The following CPAMD8 variants were observed in gnomAD, a reference collection of about 807,000 sequenced individuals.
CPAMD8 encodes the protein C3 and PZP-like alpha-2-macroglobulin domain-containing protein 8.
In CPAMD8, 146 loss-of-function variants were observed where a neutral mutation model predicts 224.7. The ratio of observed to expected loss-of-function variants is 0.65; its 90% CI spans 0.57 to 0.75. CPAMD8 has a LOEUF of 0.75. CPAMD8 is among the 30% of genes least tolerant of loss of function. CPAMD8 has a pLI of 0.00. For synonymous variants in CPAMD8, 966 were observed against 1,044.6 expected (o/e 0.92, Z 1.45); for missense variants, 2,301 against 2,537.5 (o/e 0.91, Z 2.00).
chr19:16,920,499 T>A (rs1273825653), intron 27 of CPAMD8, among the ~76,000 whole-genome samples: 1 of 149,686 alleles, frequency 6.7e-6, no homozygotes, highest in Non-Finnish European at 1.5e-5. Flanking sequence ...AAAAAGGAAA[T>A]TTGATTTTTC....
rs2055219788 is a variant in CPAMD8, at chr19:16,975,248, T to C, written c.1919A>G (p.Glu640Gly). Residue 640 changes from glutamate (E) to glycine (G), a missense_variant, in exon 17 of 42, where the codon GAA becomes GGA. By Grantham distance (98) the Glu-to-Gly change is moderately conservative (BLOSUM62 -2). Coordinates refer to ENST00000443236, the MANE Select transcript of CPAMD8 (RefSeq NM_015692.5). ...FRLTPAQVFQ[E>G]LEDYDVSDSF... ...ATCAGAAACATCATAATCTTCCAGT[T>C]CCTGGAAAACCTGCAGGCAAAGGGG... 1.9e-6 allele frequency: 3 copies of C among 1,603,738 alleles called. No homozygotes were observed. Among genetic ancestry groups the C allele is most frequent in the Non-Finnish European group, 2.6e-6 (3 of 1,174,658 alleles).
chr19:16,976,200 G>C (rs763838329), intron 15 of CPAMD8, 49 bp from the exon 16 acceptor site: 1 of 1,534,382 alleles, frequency 6.5e-7, no homozygotes, highest in South Asian at 1.2e-5. Flanking sequence ...AGTTGGCTGT[G>C]AGTGGTGGCT....
At chr19:16,912,221 A>G (rs1284059758) in intron 29 of CPAMD8, among the ~76,000 whole-genome samples, 1 of 152,202 alleles carries the variant, frequency 6.6e-6, no homozygotes, top group African/African-American at 2.4e-5. Flanking sequence ...CCATGGAACA[A>G]TTGTCTTCCA....
intron 18 of CPAMD8, among the ~76,000 whole-genome samples, chr19:16,960,511 CTTG>C (rs1056353288): frequency 2.7e-5 from 4 of 150,316 alleles, no homozygotes; most frequent in East Asian, 1.9e-4. Flanking sequence ...ATTTCCAAGA[CTTG>C]TTGTTAACTT....
chr19:16,952,183 C>G lies in CPAMD8; in HGVS notation c.2294G>C (p.Gly765Ala), dbSNP rs750031617. 3.9e-6 allele frequency: 6 copies of G among 1,543,000 alleles called. No individual in the cohort carries two copies. The African/African-American group carries it at 6.9e-5, about 18-fold the overall frequency. ...GTCCGGGACCTTCACACTGAGTGTC[C>G]CCTCACCAGATGGGTCACTGCGGAG... ...CLNISDPSGE[G>A]TLSVKVPDSI... Residue 765 changes from glycine to alanine, a missense_variant, in exon 20 of 42, where the codon GGG (glycine) becomes GCG (alanine). Coordinates refer to ENST00000443236, the MANE Select transcript of CPAMD8 (RefSeq NM_015692.5).
rs190367731 is a variant in CPAMD8 at position 16,951,705 on chromosome 19, C to T, written c.2508+264G>A. Among the ~76,000 whole-genome samples, 187 of 152,256 alleles carry T rather than the reference C, an allele frequency of 1.2e-3. 1 individual carries two copies. The highest frequency in any genetic ancestry group is 4.3e-3 in the African/African-American group (179 of 41,554). ...CTCACTCACACACATGCGTCCCCAC[C>T]TCCTCCTCACCCGGCTTTGACGGTT... is the stretch of plus-strand genomic sequence containing the variant. On this transcript the variant is annotated intron_variant, in intron 20 of 41. Coordinates refer to ENST00000443236, the MANE Select transcript of CPAMD8 (RefSeq NM_015692.5).
Position 17,008,336 on chromosome 19 carries a change from T to C in CPAMD8, c.559+169A>G, listed in dbSNP as rs541184616. 2.6e-5 allele frequency among the ~76,000 whole-genome samples: 4 copies of C among 152,302 alleles called. No individual in the cohort carries two copies. The East Asian group carries it at 7.7e-4, about 29-fold the overall frequency. On this transcript the variant is annotated intron_variant, in intron 7 of 41. Coordinates refer to ENST00000443236, the MANE Select transcript of CPAMD8 (RefSeq NM_015692.5). ...GCTGAGGCTCCCAGATCCAAACCCATGGCATTGTCACCTCCCAGGTGGGTA... is the reference window on the plus strand; with the variant it reads ...GCTGAGGCTCCCAGATCCAAACCCACGGCATTGTCACCTCCCAGGTGGGTA...
At chr19:16,907,754 C>T (rs1383228268) in intron 29 of CPAMD8, 1 of 152,326 alleles carries the variant, frequency 6.6e-6, no homozygotes, top group Non-Finnish European at 1.5e-5. Flanking sequence ...ACTACAGGTG[C>T]ACACCAGCAC....
chr19:16,974,366 G>C (rs1184486569), intron 17 of CPAMD8, among the ~76,000 whole-genome samples: 2 of 151,802 alleles, frequency 1.3e-5, no homozygotes, highest in African/African-American at 4.8e-5. Flanking sequence ...GCTGGGGCAC[G>C]AGGATCACCT....
rs143118863 is a variant in CPAMD8, at chr19:16,994,866, C to A, written c.1096-1280G>T. ...CTATGTTGCCCAGGCTGGTCTCACA[C>A]TTTTGGCCTCAAGTGGTCCTCTTGC... On this transcript the variant is annotated intron_variant, in intron 11 of 41. Coordinates refer to ENST00000443236, the MANE Select transcript of CPAMD8 (RefSeq NM_015692.5). 7.0e-3 allele frequency among the ~76,000 whole-genome samples: 1,066 copies of A among 152,218 alleles called. 13 individuals carry two copies. The highest frequency in any genetic ancestry group is 0.023 in the African/African-American group (971 of 41,526).
At position 16,997,332 on chromosome 19, in the gene CPAMD8, C is replaced by T. The variant is rs372756721; in HGVS notation, c.874G>A (p.Gly292Ser). 148 of 1,568,502 alleles carry T rather than the reference C, an allele frequency of 9.4e-5. No individual in the cohort carries two copies. Among genetic ancestry groups the T allele is most frequent in the Middle Eastern group, 1.7e-4 (1 of 5,984 alleles). Reference sequence around the variant, plus strand: ...ACGCAGATGTCGAAGTCCCGGGAGCCGAGGATCTGGAGGGAGGAAAAACAC... The same window carrying T: ...ACGCAGATGTCGAAGTCCCGGGAGCTGAGGATCTGGAGGGAGGAAAAACAC... Reference protein sequence around the residue: ...RPVLRTTKILGSRDFDICVRD... With the variant: ...RPVLRTTKILSSRDFDICVRD... Residue 292 changes from glycine (G) to serine (S), a missense_variant, in exon 11 of 42, where the codon GGC becomes AGC. This residue lies in a region of CPAMD8 where 301 missense variants were observed against 406.6 expected (regional missense o/e 0.74). Coordinates refer to ENST00000443236, the MANE Select transcript of CPAMD8 (RefSeq NM_015692.5).
chr19:16,936,976 C>T (rs1172816461), intron 23 of CPAMD8, among the ~76,000 whole-genome samples: 1 of 151,682 alleles, frequency 6.6e-6, no homozygotes, highest in African/African-American at 2.4e-5. Flanking sequence ...TTTTTTCCCT[C>T]TTTTCTTTCT....
intron 18 of CPAMD8, among the ~76,000 whole-genome samples, chr19:16,964,126 A>C (rs557648586): frequency 1.1e-4 from 17 of 152,238 alleles, no homozygotes; most frequent in Non-Finnish European, 2.1e-4. Context: ...CACAATTAAA[A>C]GAACTAGAGA....
At chr19:16,900,903 T>C (rs2052226093) in intron 36 of CPAMD8, among the ~76,000 whole-genome samples, 1 of 151,954 alleles carries the variant, frequency 6.6e-6, no homozygotes, top group Non-Finnish European at 1.5e-5. Flanking sequence ...TCCCAGCTAC[T>C]CGGGAGGCTG....
At chr19:16,965,194 A>G (rs1410846085) in intron 18 of CPAMD8, among the ~76,000 whole-genome samples, 1 of 151,976 alleles carries the variant, frequency 6.6e-6, no homozygotes, top group East Asian at 1.9e-4. Flanking sequence ...TGGGAGGCAG[A>G]GCTTGCAGTG....
At chr19:16,906,917 C>T (rs764552737) in intron 30 of CPAMD8, 35 bp downstream of exon 30, 57 of 1,556,678 alleles carry the variant, frequency 3.7e-5, no homozygotes, top group South Asian at 1.3e-4. Context: ...GGCTTCCCGA[C>T]GCTGTGGCCT....
intron 23 of CPAMD8, among the ~76,000 whole-genome samples, chr19:16,935,506 T>C (rs550083392): frequency 6.6e-6 from 1 of 152,214 alleles, no homozygotes; most frequent in African/African-American, 2.4e-5. Context: ...GAATAATTCA[T>C]GTATCTTTTG....
At chr19:16,965,379 A>G (rs2054794872) in intron 18 of CPAMD8, among the ~76,000 whole-genome samples, 1 of 152,212 alleles carries the variant, frequency 6.6e-6, no homozygotes, top group Non-Finnish European at 1.5e-5. Context: ...ACCCACAGCC[A>G]ATATCATACT....
chr19:17,025,419 A>G (rs554569980), intron 1 of CPAMD8, among the ~76,000 whole-genome samples: 1 of 152,174 alleles, frequency 6.6e-6, no homozygotes, highest in African/African-American at 2.4e-5. Context: ...TCTCAAAACA[A>G]AAACAAAAAC....
Sources: gnomAD v4.1 joint callset for allele counts (sites outside exome capture counted in the v4.1 genomes callset) on GRCh38, gnomAD v4.1.1 for gene constraint, gnomAD v4.1.1 regional missense constraint, MANE v1.5 for transcripts, NCBI Gene and HGNC (gene_info 2026-07-23, HGNC 2026-07-21) for gene names.